DPP10: variants seen among roughly 807,000 people sequenced by gnomAD.
DPP10 encodes the protein inactive dipeptidyl peptidase 10.
Under a neutral mutation model 120.9 loss-of-function variants are expected in DPP10, and 33 were observed. That is an observed-to-expected ratio of 0.27 (90% CI 0.21 to 0.37). DPP10 has a LOEUF of 0.37. Ranked by LOEUF, DPP10 falls within the 10% of genes least tolerant of loss-of-function variation. The pLI, the probability that DPP10 is intolerant of heterozygous loss-of-function variation, is 1.00. For missense variants in DPP10, 816 were observed against 942.8 expected, an observed-to-expected ratio of 0.87 and a Z score of 1.76; for synonymous variants, 337 against 326.1, an observed-to-expected ratio of 1.03 and a Z score of -0.36.
At chr2:115,709,769 A>G (rs1300720640) in intron 7 of DPP10, among the ~76,000 whole-genome samples, 1 of 151,996 alleles carries the variant, frequency 6.6e-6, no homozygotes, top group Non-Finnish European at 1.5e-5. Context: ...CAAACAAACA[A>G]AAAACAGACC....
chr2:115,620,566 A>G (rs553565677), intron 5 of DPP10, among the ~76,000 whole-genome samples: 6 of 152,318 alleles, frequency 3.9e-5, no homozygotes, highest in African/African-American at 1.4e-4. Context: ...AATCTCTACT[A>G]ACAGTTCTGG....
intron 1 of DPP10, among the ~76,000 whole-genome samples, chr2:114,669,123 A>G (rs1401576010): frequency 6.6e-6 from 1 of 152,142 alleles, no homozygotes; most frequent in East Asian, 1.9e-4. Context: ...TTGTTGTTAC[A>G]ACTGTTCCCC....
At chr2:114,988,109 A>G (rs986885270) in intron 1 of DPP10, among the ~76,000 whole-genome samples, 1 of 152,078 alleles carries the variant, frequency 6.6e-6, no homozygotes, top group African/African-American at 2.4e-5. Flanking sequence ...CGGCCGCCGG[A>G]GACTGAGTCT....
intron 21 of DPP10, among the ~76,000 whole-genome samples, chr2:115,827,374 T>G (rs1688445023): frequency 7.0e-6 from 1 of 142,058 alleles, no homozygotes; most frequent in Non-Finnish European, 1.5e-5. Context: ...GTGGGATATA[T>G]CAGAGGAGGG....
At chr2:115,604,202 A>G (rs1333279274) in intron 5 of DPP10, among the ~76,000 whole-genome samples, 6 of 151,906 alleles carry the variant, frequency 3.9e-5, no homozygotes, top group African/African-American at 1.5e-4. Context: ...TGTTTTGTTA[A>G]GTTGGGTGAT....
At chr2:114,523,251 T>A (rs1247959059) in intron 1 of DPP10, among the ~76,000 whole-genome samples, 1 of 152,168 alleles carries the variant, frequency 6.6e-6, no homozygotes, top group Admixed American at 6.5e-5. Context: ...GGGGCTGGAC[T>A]TTTGTTCCCT....
intron 4 of DPP10, among the ~76,000 whole-genome samples, chr2:115,506,746 CTA>C (rs1385983283): frequency 6.6e-6 from 1 of 151,930 alleles, no homozygotes; most frequent in African/African-American, 2.4e-5. Context: ...ATTGATCTAT[CTA>C]TATCTATCAA....
intron 1 of DPP10, among the ~76,000 whole-genome samples, chr2:115,101,301 T>A (rs966399290): frequency 2.0e-5 from 3 of 152,102 alleles, no homozygotes; most frequent in Non-Finnish European, 4.4e-5. Flanking sequence ...ATGATGGAAA[T>A]ATCTGGTTAC....
chr2:115,753,025 TTATC>T (rs138954486), intron 10 of DPP10, 145 bp from the exon 11 acceptor site: 126 of 533,098 alleles, frequency 2.4e-4, no homozygotes, highest in Admixed American at 1.1e-3. Context: ...AGATATCTAT[TTATC>T]TATCTATCTA....
intron 1 of DPP10, among the ~76,000 whole-genome samples, chr2:114,841,932 G>A (rs942169200): frequency 6.6e-6 from 1 of 152,056 alleles, no homozygotes; most frequent in African/African-American, 2.4e-5. Context: ...TGACTCAATG[G>A]TAAAGAAACA....
intron 9 of DPP10, among the ~76,000 whole-genome samples, chr2:115,742,856 T>C (rs547692535): frequency 6.6e-6 from 1 of 152,208 alleles, no homozygotes; most frequent in African/African-American, 2.4e-5. Context: ...CCTAATGTGG[T>C]CAGATTTACT....
chr2:114,935,403 C>T (rs993599990), intron 1 of DPP10, among the ~76,000 whole-genome samples: 5 of 152,062 alleles, frequency 3.3e-5, no homozygotes, highest in Admixed American at 6.6e-5. Flanking sequence ...CTAATGTGCC[C>T]ATTAGGCATT....
At chr2:115,263,695 A>G (rs553581578) in intron 1 of DPP10, among the ~76,000 whole-genome samples, 2 of 152,224 alleles carry the variant, frequency 1.3e-5, no homozygotes, top group Non-Finnish European at 2.9e-5. Context: ...TCTTGTATAA[A>G]AAGTCATTTC....
At chr2:114,526,453 A>G (rs1685506493) in intron 1 of DPP10, among the ~76,000 whole-genome samples, 1 of 152,226 alleles carries the variant, frequency 6.6e-6, no homozygotes, top group African/African-American at 2.4e-5. Flanking sequence ...GACATTACAA[A>G]ACAATCTGGA....
At chr2:114,553,900 C>T (rs184464684) in intron 1 of DPP10, among the ~76,000 whole-genome samples, 31 of 152,308 alleles carry the variant, frequency 2.0e-4, no homozygotes, top group African/African-American at 7.0e-4. Flanking sequence ...GAAATATCAG[C>T]GCAATAGATC....
chr2:115,221,167 G>A (rs551522520), intron 1 of DPP10, among the ~76,000 whole-genome samples: 5 of 152,022 alleles, frequency 3.3e-5, no homozygotes, highest in South Asian at 4.1e-4. Context: ...ATTAAAGTAC[G>A]TCACAAAGAA....
At chr2:115,626,255 C>A (rs1420930120) in intron 5 of DPP10, among the ~76,000 whole-genome samples, 1 of 151,764 alleles carries the variant, frequency 6.6e-6, no homozygotes, top group Non-Finnish European at 1.5e-5. Flanking sequence ...ATGAAAAAAT[C>A]AGTTGAATCA....
intron 1 of DPP10, among the ~76,000 whole-genome samples, chr2:114,791,856 G>C (rs1375493697): frequency 6.6e-6 from 1 of 152,176 alleles, no homozygotes; most frequent in East Asian, 1.9e-4. Flanking sequence ...CTATGATTTA[G>C]AATGTTAGGA....
At chr2:115,781,465 T>C (rs1682755661) in intron 16 of DPP10, among the ~76,000 whole-genome samples, 1 of 151,928 alleles carries the variant, frequency 6.6e-6, no homozygotes, top group African/African-American at 2.4e-5. Context: ...CCATTATTAC[T>C]TCTTCTATCT....
Sources: gnomAD v4.1 joint callset for allele counts (sites outside exome capture counted in the v4.1 genomes callset) on GRCh38, gnomAD v4.1.1 for gene constraint, MANE v1.5 for transcripts, NCBI Gene and HGNC (gene_info 2026-07-23, HGNC 2026-07-21) for gene names.